Variants in C1orf116 observed in about 807,000 individuals in gnomAD.
C1orf116 encodes the protein specifically androgen-regulated gene protein.
Under a neutral mutation model 14.1 loss-of-function variants are expected in C1orf116, and 12 were observed. The observed-to-expected ratio is 0.85, with a 90% CI of 0.54 to 1.38. C1orf116 has a LOEUF of 1.38. Ranked by LOEUF, C1orf116 falls within the 40% of genes most tolerant of loss-of-function variation. The probability of loss-of-function intolerance (pLI) is 0.00; values close to 1 mark genes in which losing one functional copy is unlikely to be tolerated. For synonymous variants in C1orf116, 296 were observed against 299.0 expected (o/e 0.99, Z 0.10); for missense variants, 797 against 747.0 (o/e 1.07, Z -0.78).
Position 207,023,116 on chromosome 1 carries a change from G to C in C1orf116, c.648C>G (p.Ser216Arg), listed in dbSNP as rs751966057. The change falls in exon 4 of 4, where the codon AGC (serine) becomes AGG (arginine). Residue 216 changes from serine (S) to arginine (R), a missense_variant. By Grantham distance (110) the Ser-to-Arg change is moderately radical. Transcript: ENST00000359470. ...CCTGCTGTCCTGGCCCCTCGGGCAG[G>C]CTGGCTTCCCTACACTGCTCTGGCT... ...DTQPEQCREA[S>R]LPEGPGQQGH... The C allele has an allele frequency of 6.2e-7, 1 of 1,612,676 alleles. No homozygotes were observed. The highest frequency in any genetic ancestry group is 1.6e-4 in the Middle Eastern group (1 of 6,062).
rs1260321845 is a variant in C1orf116 at position 207,021,994 on chromosome 1, C to T, written c.1770G>A (p.Arg590=). ...SPKGVPNEHR[R]EALKKLGLLK... ...ACAGTCCCAGCTTCTTCAGGGCCTC[C>T]CTTCTGTGTTCATTGGGGACACCCT... The change falls in exon 4 of 4, where the codon AGG becomes AGA. Residue 590 remains arginine (R), a synonymous_variant. Transcript: ENST00000359470. 6.5e-7 allele frequency: 1 copy of T among 1,543,020 alleles called. No individual in the cohort carries two copies. Among genetic ancestry groups the T allele is most frequent in the Non-Finnish European group, 8.7e-7 (1 of 1,148,510 alleles).
Position 207,019,086 on chromosome 1 carries a change from C to G in C1orf116, c.*2872G>C, listed in dbSNP as rs1475282110. ...AGCAGCCCATCCCCAGCCTACAGGG[C>G]GGCCCCTGCCAGATCATGCTTCCCA... On this transcript the variant is annotated 3_prime_UTR_variant, in exon 4 of 4. Transcript: ENST00000359470. 1 of 152,328 alleles carries G rather than the reference C, an allele frequency of 6.6e-6. No individual in the cohort carries two copies. The highest frequency in any genetic ancestry group is 1.5e-5 in the Non-Finnish European group (1 of 68,106). The allele number at this position is 152,328 out of a possible 1,614,324, so 9.4% of individuals were successfully genotyped here. A position where few individuals can be genotyped will look rare whatever the true frequency, so the allele number is the denominator to read the frequency against.
At position 207,027,721 on chromosome 1, in the gene C1orf116, C is replaced by T. The variant is rs1284470098; in HGVS notation, c.-81-42G>A. On this transcript the variant is annotated intron_variant, in intron 1 of 3. Coordinates refer to ENST00000359470, the MANE Select transcript of C1orf116 (RefSeq NM_023938.6). ...CAAAGCCACACATGAGCCGAGGCTT[C>T]GGCAAGGCTCTGCCCAGGCCCTGGG... The T allele has an allele frequency of 4.0e-5, 59 of 1,478,666 alleles. No homozygotes were observed. In the South Asian group the frequency reaches 7.0e-4, roughly 17 times the overall value. 91.6% of individuals were successfully genotyped at this position (1,478,666 alleles called of 1,614,324 possible). A position where few individuals can be genotyped will look rare whatever the true frequency, so the allele number is the denominator to read the frequency against.
At chr1:207,024,058 A>G (rs184490929) in intron 3 of C1orf116, among the ~76,000 whole-genome samples, 1 of 152,268 alleles carries the variant, frequency 6.6e-6, no homozygotes, top group East Asian at 1.9e-4. Context: ...TCTGCCTTCT[A>G]CTTGCACTTT....
Position 207,027,631 on chromosome 1 carries a change from G to T in C1orf116, c.-33C>A. On this transcript the variant is annotated 5_prime_UTR_variant, in exon 2 of 4. Coordinates refer to ENST00000359470, the MANE Select transcript of C1orf116 (RefSeq NM_023938.6). ...AACAAGGTGCAGGGATGGCAAAGGG[G>T]GCTTCTAGAGGGGAAGCGAGGGGAA... 1.2e-6 allele frequency: 2 copies of T among 1,606,358 alleles called. No individual in the cohort carries two copies. Among genetic ancestry groups the T allele is most frequent in the Non-Finnish European group, 1.7e-6 (2 of 1,178,784 alleles).
At chr1:207,026,660 A>G (rs975061045) in intron 2 of C1orf116, among the ~76,000 whole-genome samples, 2 of 152,238 alleles carry the variant, frequency 1.3e-5, no homozygotes, top group Non-Finnish European at 2.9e-5. Context: ...AAATACCTCT[A>G]TAGGATACAA....
At chr1:207,030,361 A>C (rs1210402255) in intron 1 of C1orf116, among the ~76,000 whole-genome samples, 1 of 152,146 alleles carries the variant, frequency 6.6e-6, no homozygotes, top group Non-Finnish European at 1.5e-5. Flanking sequence ...AATGGTTACT[A>C]GCCACCCCTG....
intron 3 of C1orf116, 138 bp from the exon 4 acceptor site, chr1:207,023,618 G>T: frequency 7.7e-7 from 1 of 1,290,952 alleles, no homozygotes; most frequent in Non-Finnish European, 1.0e-6. Context: ...ATTTTGCCTT[G>T]TTTTCTTTGC....
chr1:207,024,767 C>T (rs1189193139), intron 3 of C1orf116, 120 bp downstream of exon 3: 10 of 1,272,498 alleles, frequency 7.9e-6, no homozygotes, highest in Non-Finnish European at 8.9e-6. Flanking sequence ...AGGAGTGTGG[C>T]TACACCTTCT....
rs201107440 is a variant in C1orf116, at chr1:207,022,625, C to G, written c.1139G>C (p.Arg380Pro). 1 of 1,613,968 alleles carries G rather than the reference C, an allele frequency of 6.2e-7. No homozygotes were observed. Among genetic ancestry groups the G allele is most frequent in the Non-Finnish European group, 8.5e-7 (1 of 1,180,034 alleles). The change falls in exon 4 of 4, where the codon CGG (arginine) becomes CCG (proline). Residue 380 changes from arginine to proline, a missense_variant. Transcript: ENST00000359470. ...PTSSIRPKET[R>P]AQHLSPAPGL... ...TGGAGCTGGGGACAGATGCTGGGCC[C>G]GTGTCTCCTTGGGTCTGATGGAGCT...
At chr1:207,030,235 C>G (rs1358637135) in intron 1 of C1orf116, among the ~76,000 whole-genome samples, 1 of 152,174 alleles carries the variant, frequency 6.6e-6, no homozygotes. Context: ...AGTTATGGCT[C>G]TTACCACTAG....
chr1:207,031,653 C>T (rs757870357), intron 1 of C1orf116, among the ~76,000 whole-genome samples: 2 of 152,224 alleles, frequency 1.3e-5, no homozygotes, highest in Admixed American at 6.5e-5. Context: ...TCGACTCCTA[C>T]ATCTGCCTTC....
chr1:207,028,655 G>T (rs1281090056), intron 1 of C1orf116, among the ~76,000 whole-genome samples: 1 of 152,206 alleles, frequency 6.6e-6, no homozygotes, highest in Non-Finnish European at 1.5e-5. Flanking sequence ...GGGAAAAAAA[G>T]TTTCAATGTC....
In C1orf116 at chr1:207,019,782, A is replaced by T. The variant is rs1221294833; in HGVS notation, c.*2176T>A. ...AGAAAACTGGAGAAATGGGCATGTC[A>T]GTAGGATGAGGATGCCTAGTGGCAG... On this transcript the variant is annotated 3_prime_UTR_variant, in exon 4 of 4. Coordinates refer to ENST00000359470, the MANE Select transcript of C1orf116 (RefSeq NM_023938.6). 5 of 152,228 alleles carry T rather than the reference A, an allele frequency of 3.3e-5. No homozygotes were observed. Among genetic ancestry groups the T allele is most frequent in the African/African-American group, 1.2e-4 (5 of 41,450 alleles). The allele number at this position is 152,228 out of a possible 1,614,324, so 9.4% of individuals were successfully genotyped here.
rs1268633560 is a variant in C1orf116 at position 207,023,037 on chromosome 1, G to C, written c.727C>G (p.Pro243Ala). 1 of 1,613,298 alleles carries C rather than the reference G, an allele frequency of 6.2e-7. No individual in the cohort carries two copies. Among genetic ancestry groups the C allele is most frequent in the Non-Finnish European group, 8.5e-7 (1 of 1,180,038 alleles). ...PSSSQEREQT[P>A]SEAMSQKAKE... ...GCTTTTTGGGACATGGCTTCTGAAGGAGTCTGCTCTCTTTCCTGGGAGCTG... is the reference window on the plus strand; with the variant it reads ...GCTTTTTGGGACATGGCTTCTGAAGCAGTCTGCTCTCTTTCCTGGGAGCTG... The change falls in exon 4 of 4, where the codon CCT (proline) becomes GCT (alanine). Residue 243 changes from proline (P) to alanine (A), a missense_variant. Transcript: ENST00000359470.
rs771380493 is a variant in C1orf116, at chr1:207,021,995, C to T, written c.1769G>A (p.Arg590Lys). 2 of 1,548,284 alleles carry T rather than the reference C, an allele frequency of 1.3e-6. No individual in the cohort carries two copies. The highest frequency in any genetic ancestry group is 2.0e-5 in the Admixed American group (1 of 50,044). ...CAGTCCCAGCTTCTTCAGGGCCTCCCTTCTGTGTTCATTGGGGACACCCTT... is the reference window on the plus strand; with the variant it reads ...CAGTCCCAGCTTCTTCAGGGCCTCCTTTCTGTGTTCATTGGGGACACCCTT... The part of the protein sequence containing the change: ...SPKGVPNEHR[R>K]EALKKLGLLK... The change falls in exon 4 of 4, where the codon AGG becomes AAG. Residue 590 changes from arginine to lysine, a missense_variant. Transcript: ENST00000359470.
chr1:207,031,904 A>G (rs1682256821), intron 1 of C1orf116, among the ~76,000 whole-genome samples: 1 of 152,252 alleles, frequency 6.6e-6, no homozygotes, highest in Admixed American at 6.5e-5. Flanking sequence ...AGGCTGAGTC[A>G]GAAAGTTAAT....
chr1:207,023,271 C>A lies in C1orf116; in HGVS notation c.493G>T (p.Ala165Ser). 1 of 1,613,884 alleles carries A rather than the reference C, an allele frequency of 6.2e-7. No individual in the cohort carries two copies. Among genetic ancestry groups the A allele is most frequent in the South Asian group, 1.1e-5 (1 of 91,062 alleles). ...ACCTGTTCTTTCTCAGGCTCTGGCG[C>A]AAGCCTCCCCGGTTCTCCAGGGTTG... ...SHNPGEPGRL[A>S]PEPEKEQVSQ... The change falls in exon 4 of 4, where the codon GCG becomes TCG. Residue 165 changes from alanine (A) to serine (S), a missense_variant. Transcript: ENST00000359470.
At chr1:207,027,432 G>T in intron 2 of C1orf116, 62 bp downstream of exon 2, 1 of 1,596,638 alleles carries the variant, frequency 6.3e-7, no homozygotes, top group South Asian at 1.1e-5. Context: ...GGATAGGGCA[G>T]GGCAGGGCAG....
Sources: gnomAD v4.1 joint callset for allele counts (sites outside exome capture counted in the v4.1 genomes callset) on GRCh38, gnomAD v4.1.1 for gene constraint, MANE v1.5 for transcripts, NCBI Gene and HGNC (gene_info 2026-07-23, HGNC 2026-07-21) for gene names.